Variants in TSPAN9 observed in about 807,000 individuals in gnomAD.
TSPAN9 encodes the protein tetraspanin 9.
TSPAN9 carries 16 observed loss-of-function variants against 31.0 expected under a neutral mutation model. The observed-to-expected ratio is 0.52, with a 90% CI of 0.35 to 0.78. TSPAN9 has a LOEUF of 0.78. Among genes scored for constraint, TSPAN9 ranks in the 30% least tolerant of loss-of-function variants. The pLI, the probability that TSPAN9 is intolerant of heterozygous loss-of-function variation, is 0.01. For missense variants in TSPAN9, 272 were observed against 312.5 expected (o/e 0.87, Z 0.98); for synonymous variants, 145 against 121.6 (o/e 1.19, Z -1.27).
At chr12:3,150,238 ATACC>A (rs1486244243) in intron 2 of TSPAN9, among the ~76,000 whole-genome samples, 6 of 152,226 alleles carry the variant, frequency 3.9e-5, no homozygotes, top group Admixed American at 3.9e-4. Context: ...TATAGGCTTA[ATACC>A]CTTTTTATGT....
intron 3 of TSPAN9, among the ~76,000 whole-genome samples, chr12:3,224,944 C>G (rs546734237): frequency 6.6e-6 from 1 of 152,140 alleles, no homozygotes; most frequent in Non-Finnish European, 1.5e-5. Flanking sequence ...TGGCTCATCC[C>G]GATGGGGCAG....
chr12:3,196,295 A>G (rs1454464709), intron 2 of TSPAN9, among the ~76,000 whole-genome samples: 2 of 152,174 alleles, frequency 1.3e-5, no homozygotes, highest in Admixed American at 6.5e-5. Flanking sequence ...CATCTGGGTG[A>G]TGACTCGCCT....
intron 3 of TSPAN9, chr12:3,273,106 C>G (rs1862713693): frequency 1.3e-5 from 2 of 152,248 alleles, no homozygotes; most frequent in South Asian, 4.1e-4. Context: ...CACCCTTTCC[C>G]TCCTCCGGAG....
At chr12:3,219,848 T>TAAAAAAAAAAA in intron 3 of TSPAN9, among the ~76,000 whole-genome samples, 1 of 135,918 alleles carries the variant, frequency 7.4e-6, no homozygotes, top group Non-Finnish European at 1.6e-5. Flanking sequence ...CTTAAACTAT[T>TAAAAAAAAAAA]AAAAAAAAAA....
chr12:3,242,984 G>A (rs1024708498), intron 3 of TSPAN9, among the ~76,000 whole-genome samples: 3 of 152,222 alleles, frequency 2.0e-5, no homozygotes, highest in Admixed American at 6.5e-5. Context: ...AGCTCTGTGG[G>A]AGAACTGGGT....
intron 3 of TSPAN9, among the ~76,000 whole-genome samples, chr12:3,207,863 A>G (rs758318473): frequency 1.3e-5 from 2 of 152,182 alleles, no homozygotes; most frequent in Non-Finnish European, 2.9e-5. Flanking sequence ...GTTCTTCACT[A>G]GAGTGGATGT....
At chr12:3,245,391 G>A (rs749577697) in intron 3 of TSPAN9, among the ~76,000 whole-genome samples, 9 of 152,216 alleles carry the variant, frequency 5.9e-5, no homozygotes, top group Non-Finnish European at 1.2e-4. Flanking sequence ...GACTCTTGCC[G>A]AGGGAGAGAA....
chr12:3,137,878 C>A (rs1344643962), intron 2 of TSPAN9, among the ~76,000 whole-genome samples: 2 of 152,138 alleles, frequency 1.3e-5, no homozygotes, highest in African/African-American at 4.8e-5. Context: ...ACTTCCTTCC[C>A]TCGTCCTATC....
intron 2 of TSPAN9, among the ~76,000 whole-genome samples, chr12:3,130,611 G>A (rs1481806222): frequency 1.3e-5 from 2 of 152,158 alleles, no homozygotes; most frequent in Non-Finnish European, 1.5e-5. Context: ...TCCTAACTGC[G>A]TGACCTCGGG....
At chr12:3,234,942 C>T (rs188513615) in intron 3 of TSPAN9, among the ~76,000 whole-genome samples, 95 of 151,044 alleles carry the variant, frequency 6.3e-4, no homozygotes, top group Admixed American at 5.1e-3. Flanking sequence ...GGGTGGATTA[C>T]GAGGTCAGGA....
intron 2 of TSPAN9, among the ~76,000 whole-genome samples, chr12:3,148,079 G>T (rs1212345393): frequency 1.3e-5 from 2 of 152,156 alleles, no homozygotes; most frequent in Non-Finnish European, 2.9e-5. Flanking sequence ...ATTTTGAGCA[G>T]TGATTCCTTT....
At chr12:3,209,832 G>T (rs1224088441) in intron 3 of TSPAN9, among the ~76,000 whole-genome samples, 2 of 151,940 alleles carry the variant, frequency 1.3e-5, no homozygotes, top group Non-Finnish European at 2.9e-5. Context: ...GGTGGTGGGC[G>T]CCTGTAGTCC....
chr12:3,226,280 C>A (rs949180151), intron 3 of TSPAN9, among the ~76,000 whole-genome samples: 3 of 152,060 alleles, frequency 2.0e-5, no homozygotes, highest in African/African-American at 7.2e-5. Context: ...AGATAACCTG[C>A]CATTCTTGGT....
chr12:3,229,452 T>A (rs1447448853), intron 3 of TSPAN9, among the ~76,000 whole-genome samples: 5 of 152,248 alleles, frequency 3.3e-5, no homozygotes, highest in Admixed American at 3.3e-4. Flanking sequence ...TTCCTAATTA[T>A]CTTGCTCCCA....
At chr12:3,114,205 G>C (rs905317824) in intron 2 of TSPAN9, among the ~76,000 whole-genome samples, 7 of 152,226 alleles carry the variant, frequency 4.6e-5, no homozygotes, top group African/African-American at 1.7e-4. Context: ...AGTGGCTGCA[G>C]ACACTACGTA....
chr12:3,264,738 G>A (rs1482732498), intron 3 of TSPAN9, among the ~76,000 whole-genome samples: 6 of 152,264 alleles, frequency 3.9e-5, no homozygotes, highest in Non-Finnish European at 8.8e-5. Flanking sequence ...TTCATTTATA[G>A]TTGTGTGCAA....
At chr12:3,167,167 CA>C (rs2098348916) in intron 2 of TSPAN9, among the ~76,000 whole-genome samples, 1 of 152,116 alleles carries the variant, frequency 6.6e-6, no homozygotes, top group Non-Finnish European at 1.5e-5. Context: ...TATTTCTCAA[CA>C]TTAAAAAAAA....
intron 2 of TSPAN9, among the ~76,000 whole-genome samples, chr12:3,093,281 AC>A (rs1429498348): frequency 1.3e-5 from 2 of 152,104 alleles, no homozygotes; most frequent in Non-Finnish European, 2.9e-5. Flanking sequence ...GATGGACTTG[AC>A]CCTGTCTTTG....
intron 2 of TSPAN9, among the ~76,000 whole-genome samples, chr12:3,112,308 C>G (rs949071743): frequency 1.5e-4 from 23 of 151,458 alleles, no homozygotes; most frequent in African/African-American, 5.3e-4. Context: ...TCCTTAGTAG[C>G]TGGGATTACA....
Sources: allele counts gnomAD v4.1 joint callset (sites outside exome capture counted in the v4.1 genomes callset), GRCh38; gene constraint gnomAD v4.1.1; transcripts MANE v1.5; gene names NCBI Gene and HGNC (gene_info 2026-07-23, HGNC 2026-07-21).